The following COL11A1 variants were observed in gnomAD, a reference collection of about 807,000 sequenced individuals.
COL11A1 encodes the protein collagen alpha-1(XI) chain.
COL11A1 carries 74 observed loss-of-function variants against 265.2 expected under a neutral mutation model. The ratio of observed to expected loss-of-function variants is 0.28; its 90% CI spans 0.23 to 0.34. The LOEUF (loss-of-function observed/expected upper bound fraction) is 0.34, where lower values mean the gene tolerates loss of function less well. COL11A1 is among the 10% of genes least tolerant of loss of function. COL11A1 has a pLI of 1.00. For missense variants in COL11A1, 2,165 were observed against 2,263.6 expected, an observed-to-expected ratio of 0.96 and a Z score of 0.88; for synonymous variants, 816 against 727.6, an observed-to-expected ratio of 1.12 and a Z score of -1.96.
At chr1:102,951,497 A>G (rs1659873061) in intron 41 of COL11A1, among the ~76,000 whole-genome samples, 1 of 152,118 alleles carries the variant, frequency 6.6e-6, no homozygotes, top group Admixed American at 6.5e-5. Context: ...GGAGATTGAG[A>G]CCATCCTGGC....
At chr1:103,068,870 T>C (rs902105737) in intron 4 of COL11A1, among the ~76,000 whole-genome samples, 2 of 150,962 alleles carry the variant, frequency 1.3e-5, no homozygotes, top group Admixed American at 1.3e-4. Context: ...ATAAAAGATG[T>C]CCAAGACATT....
chr1:103,055,523 C>A (rs1158018606), intron 4 of COL11A1, among the ~76,000 whole-genome samples: 1 of 151,986 alleles, frequency 6.6e-6, no homozygotes, highest in Non-Finnish European at 1.5e-5. Flanking sequence ...ACAGAGAAGA[C>A]AGAGCAAGGA....
In COL11A1 at chr1:103,004,462, T is replaced by C. The variant is rs142506188; in HGVS notation, c.1926A>G (p.Arg642=). 48 of 1,611,992 alleles carry C rather than the reference T, an allele frequency of 3.0e-5. No homozygotes were observed. The highest frequency in any genetic ancestry group is 2.6e-5 in the Non-Finnish European group (31 of 1,178,842). The change falls in exon 20 of 67, where the codon AGA becomes AGG. Residue 642 remains arginine (R), a synonymous_variant. Coordinates refer to ENST00000370096, the MANE Select transcript of COL11A1 (RefSeq NM_001854.4). ...TGCTTACAGCTTCACCTGGAAGACC[T>C]CTTGGTCCAATTTCTCCATCTTCTC... is the stretch of plus-strand genomic sequence containing the variant. ...MRGEDGEIGP[R]GLPGEAGPRG...
chr1:103,047,784 C>T (rs71664974), intron 4 of COL11A1, among the ~76,000 whole-genome samples: 15,638 of 152,044 alleles, frequency 0.1, 1,041 homozygotes, highest in Non-Finnish European at 0.14. Context: ...CCCATCAATA[C>T]CTAATTTATT....
At chr1:103,044,344 TAAC>T (rs1669077578) in intron 4 of COL11A1, among the ~76,000 whole-genome samples, 1 of 152,026 alleles carries the variant, frequency 6.6e-6, no homozygotes, top group African/African-American at 2.4e-5. Flanking sequence ...ATCACAGACA[TAAC>T]TACTTCCCAC....
chr1:102,929,958 C>T (rs1423430284), intron 46 of COL11A1, among the ~76,000 whole-genome samples: 1 of 152,148 alleles, frequency 6.6e-6, no homozygotes, highest in Non-Finnish European at 1.5e-5. Flanking sequence ...TGAGACTTTG[C>T]TAAAGTTGCT....
intron 42 of COL11A1, among the ~76,000 whole-genome samples, chr1:102,945,749 A>G (rs2101386829): frequency 6.6e-6 from 1 of 152,304 alleles, no homozygotes; most frequent in South Asian, 2.1e-4. Context: ...AGCAGGAAAA[A>G]AAATAGAGAA....
chr1:103,105,535 A>T (rs1044427770), intron 1 of COL11A1, among the ~76,000 whole-genome samples: 1 of 152,074 alleles, frequency 6.6e-6, no homozygotes, highest in African/African-American at 2.4e-5. Flanking sequence ...TTGAACTCAG[A>T]TGTTTTAAGG....
rs4013849 is a variant in COL11A1, at chr1:103,006,526, A to ATTTTTTTTTTTTTT, written c.1684-225_1684-212dup. 3.1e-4 allele frequency among the ~76,000 whole-genome samples: 26 copies of ATTTTTTTTTTTTTT among 82,886 alleles called. 5 individuals are homozygous for ATTTTTTTTTTTTTT. The highest frequency in any genetic ancestry group is 4.0e-4 in the Non-Finnish European group (19 of 47,230). The allele number at this position is 82,886 out of a possible 152,430, so 54.4% of individuals were successfully genotyped here. On this transcript the variant is annotated intron_variant, in intron 15 of 66. Coordinates refer to ENST00000370096, the MANE Select transcript of COL11A1 (RefSeq NM_001854.4). ...ATACCTATTTTTTCTAAATGGCTCC[A>ATTTTTTTTTTTTTT]TTTTTTTTTTTTTTTTTTTTTTTTT... is the stretch of plus-strand genomic sequence containing the variant.
At chr1:102,931,731 C>T (rs976879494) in intron 46 of COL11A1, among the ~76,000 whole-genome samples, 1 of 151,938 alleles carries the variant, frequency 6.6e-6, no homozygotes, top group Admixed American at 6.6e-5. Flanking sequence ...GGAGTTAAGT[C>T]TCTTTGTAGG....
intron 41 of COL11A1, among the ~76,000 whole-genome samples, chr1:102,959,662 A>G (rs1392847790): frequency 1.3e-5 from 2 of 152,198 alleles, no homozygotes; most frequent in Admixed American, 1.3e-4. Context: ...CATATAACAA[A>G]GTAAGTAATA....
At chr1:103,083,033 T>C in intron 1 of COL11A1, 61 bp from the exon 2 acceptor site, 1 of 1,477,510 alleles carries the variant, frequency 6.8e-7, no homozygotes, top group Non-Finnish European at 9.4e-7. Context: ...TAACAATGAG[T>C]ATTTTTAACA....
intron 41 of COL11A1, 52 bp from the exon 42 acceptor site, chr1:102,947,008 T>C: frequency 4.4e-6 from 6 of 1,369,348 alleles, no homozygotes; most frequent in Non-Finnish European, 6.2e-6. Flanking sequence ...AATACTGGCT[T>C]AAGAATCACT....
rs369597306 is a variant in COL11A1 at position 103,006,361 on chromosome 1, C to G, written c.1684-46G>C. 7.2e-5 allele frequency: 101 copies of G among 1,410,964 alleles called. 1 individual carries two copies. In the Middle Eastern group the frequency reaches 1.1e-3, roughly 15 times the overall value. 87.4% of individuals were successfully genotyped at this position (1,410,964 alleles called of 1,614,324 possible). A position where few individuals can be genotyped will look rare whatever the true frequency, so the allele number is the denominator to read the frequency against. ...TAAACCATATTATAGAATTCTTGAT[C>G]AATAAACTCAATAGCATCAAGAGAG... On this transcript the variant is annotated intron_variant, in intron 15 of 66. Coordinates refer to ENST00000370096, the MANE Select transcript of COL11A1 (RefSeq NM_001854.4).
At chr1:103,014,193 G>A (rs1216768424) in intron 13 of COL11A1, among the ~76,000 whole-genome samples, 1 of 151,826 alleles carries the variant, frequency 6.6e-6, no homozygotes, top group African/African-American at 2.4e-5. Context: ...AACTGGATGT[G>A]AAAGATAAGG....
At chr1:103,048,500 T>A (rs1021413026) in intron 4 of COL11A1, among the ~76,000 whole-genome samples, 1 of 152,192 alleles carries the variant, frequency 6.6e-6, no homozygotes, top group African/African-American at 2.4e-5. Flanking sequence ...TTCTTCTTTA[T>A]TAGTCTTGCT....
At chr1:103,025,909 G>A (rs200483544) in intron 6 of COL11A1, 4 of 1,611,988 alleles carry the variant, frequency 2.5e-6, no homozygotes, top group African/African-American at 2.7e-5. Flanking sequence ...CTTTGATTTA[G>A]TAGCCACTGT....
At chr1:102,970,076 T>A in intron 37 of COL11A1, 143 bp downstream of exon 37, 6 of 477,694 alleles carry the variant, frequency 1.3e-5, no homozygotes, top group Non-Finnish European at 2.3e-5. Context: ...ATATGTATAT[T>A]TCAATAAAAG....
At chr1:102,936,177 T>C (rs1203849596) in intron 44 of COL11A1, among the ~76,000 whole-genome samples, 1 of 151,964 alleles carries the variant, frequency 6.6e-6, no homozygotes, top group Non-Finnish European at 1.5e-5. Context: ...TCATATTCAT[T>C]TGACAAACTG....
Sources: gnomAD v4.1 joint callset for allele counts (sites outside exome capture counted in the v4.1 genomes callset) on GRCh38, gnomAD v4.1.1 for gene constraint, MANE v1.5 for transcripts, NCBI Gene and HGNC (gene_info 2026-07-23, HGNC 2026-07-21) for gene names.